GRIK2: variants seen among roughly 807,000 people sequenced by gnomAD.
The protein encoded by GRIK2 is glutamate receptor ionotropic, kainate 2.
A neutral mutation model predicts 100.3 loss-of-function variants in GRIK2; 32 were observed. The ratio of observed to expected loss-of-function variants is 0.32; its 90% confidence interval spans 0.24 to 0.43. GRIK2 has a LOEUF of 0.43. Among genes scored for constraint, GRIK2 ranks in the 20% least tolerant of loss-of-function variants. GRIK2 has a pLI of 1.00. For synonymous variants in GRIK2, 417 were observed against 389.4 expected (o/e 1.07, Z -0.83); for missense variants, 843 against 1,114.9 (o/e 0.76, Z 3.47).
intron 6 of GRIK2, among the ~76,000 whole-genome samples, chr6:101,685,206 T>C (rs913836909): frequency 2.0e-5 from 3 of 152,186 alleles, no homozygotes; most frequent in African/African-American, 7.2e-5. Context: ...TTCACCTCTT[T>C]CCTATCTCCT....
intron 15 of GRIK2, among the ~76,000 whole-genome samples, chr6:102,037,330 A>G (rs1770325746): frequency 6.6e-6 from 1 of 151,362 alleles, no homozygotes; most frequent in African/African-American, 2.4e-5. Context: ...TACAATACTT[A>G]TTAAAGAATT....
intron 12 of GRIK2, chr6:101,891,494 G>T (rs1296746461): frequency 2.9e-6 from 1 of 346,062 alleles, no homozygotes; most frequent in East Asian, 9.7e-5. Context: ...TCCAGCCTGG[G>T]AGATATAGCA....
At chr6:101,706,126 G>A (rs1180990079) in intron 7 of GRIK2, among the ~76,000 whole-genome samples, 1 of 151,862 alleles carries the variant, frequency 6.6e-6, no homozygotes, top group East Asian at 1.9e-4. Flanking sequence ...TGAACATCAT[G>A]AGGACATCAC....
chr6:101,454,118 C>G (rs1770863747), intron 2 of GRIK2, among the ~76,000 whole-genome samples: 1 of 151,996 alleles, frequency 6.6e-6, no homozygotes, highest in South Asian at 2.1e-4. Context: ...TTTCCTGTTG[C>G]CTCCTCTCTT....
chr6:101,715,952 A>T (rs1331610023), intron 7 of GRIK2, among the ~76,000 whole-genome samples: 1 of 151,808 alleles, frequency 6.6e-6, no homozygotes, highest in Non-Finnish European at 1.5e-5. Flanking sequence ...ACAAAAACAC[A>T]GTGTCATTGT....
chr6:101,959,931 G>A (rs1190635243), intron 14 of GRIK2, among the ~76,000 whole-genome samples: 1 of 151,918 alleles, frequency 6.6e-6, no homozygotes. Flanking sequence ...ACATTTTCCT[G>A]GATTGTTCCC....
intron 11 of GRIK2, among the ~76,000 whole-genome samples, chr6:101,880,338 T>C (rs1313317418): frequency 6.6e-6 from 1 of 152,104 alleles, no homozygotes; most frequent in Admixed American, 6.6e-5. Flanking sequence ...TTCTCACTCA[T>C]AAGTTATCTC....
At chr6:102,045,229 G>C (rs987378441) in intron 15 of GRIK2, among the ~76,000 whole-genome samples, 16 of 151,932 alleles carry the variant, frequency 1.1e-4, no homozygotes, top group African/African-American at 3.9e-4. Flanking sequence ...AAATAAACAA[G>C]GTAATGTGTT....
intron 2 of GRIK2, among the ~76,000 whole-genome samples, chr6:101,424,599 G>T (rs1776603579): frequency 6.8e-6 from 1 of 147,658 alleles, no homozygotes; most frequent in Admixed American, 6.9e-5. Context: ...TAAGTTTTAG[G>T]TTACATGTGC....
intron 12 of GRIK2, among the ~76,000 whole-genome samples, chr6:101,899,349 T>C (rs550993928): frequency 1.3e-5 from 2 of 151,994 alleles, no homozygotes; most frequent in African/African-American, 4.8e-5. Flanking sequence ...TTTATACTCA[T>C]TTTTGAAATT....
intron 12 of GRIK2, among the ~76,000 whole-genome samples, chr6:101,896,085 A>G (rs367649517): frequency 2.0e-3 from 309 of 151,838 alleles, no homozygotes; most frequent in African/African-American, 7.0e-3. Context: ...TTTTGTTACA[A>G]TGTACCTCTT....
chr6:101,726,030 A>T (rs1583028696), intron 7 of GRIK2, among the ~76,000 whole-genome samples: 1 of 152,116 alleles, frequency 6.6e-6, no homozygotes, highest in South Asian at 2.1e-4. Flanking sequence ...CAAACAATTA[A>T]TTTTAAATAC....
intron 2 of GRIK2, among the ~76,000 whole-genome samples, chr6:101,486,181 C>A (rs1046877257): frequency 7.2e-5 from 11 of 151,914 alleles, no homozygotes; most frequent in African/African-American, 2.2e-4. Flanking sequence ...TTAACAAGAA[C>A]AACTTAAGTA....
intron 11 of GRIK2, among the ~76,000 whole-genome samples, chr6:101,875,159 T>C (rs1379492959): frequency 6.6e-6 from 1 of 152,108 alleles, no homozygotes; most frequent in East Asian, 1.9e-4. Context: ...AGAGAGGGCA[T>C]CCCTGCCTTG....
chr6:101,670,319 A>G (rs1770338079), intron 4 of GRIK2, among the ~76,000 whole-genome samples: 1 of 152,164 alleles, frequency 6.6e-6, no homozygotes, highest in African/African-American at 2.4e-5. Flanking sequence ...AGGAGACGGC[A>G]GGTCCTACTA....
At chr6:101,995,695 T>A (rs1794615193) in intron 14 of GRIK2, among the ~76,000 whole-genome samples, 1 of 152,072 alleles carries the variant, frequency 6.6e-6, no homozygotes, top group Admixed American at 6.6e-5. Context: ...ATGCGAGATG[T>A]GATGGGGTGT....
chr6:101,796,466 A>G (rs1023973190), intron 7 of GRIK2, among the ~76,000 whole-genome samples: 2 of 152,184 alleles, frequency 1.3e-5, no homozygotes, highest in Admixed American at 6.5e-5. Context: ...TAGACACACA[A>G]TTTTACAAAG....
At chr6:101,808,351 G>T (rs907802822) in intron 9 of GRIK2, among the ~76,000 whole-genome samples, 4 of 151,944 alleles carry the variant, frequency 2.6e-5, no homozygotes, top group African/African-American at 7.2e-5. Flanking sequence ...ATTTAGAAAA[G>T]AATTTCCTAT....
chr6:101,911,457 T>C (rs1788686380), intron 12 of GRIK2, among the ~76,000 whole-genome samples: 1 of 151,568 alleles, frequency 6.6e-6, no homozygotes, highest in Non-Finnish European at 1.5e-5. Flanking sequence ...TGGGTAGCTT[T>C]ATTGTATCTG....
Sources: gnomAD v4.1 joint callset for allele counts (sites outside exome capture counted in the v4.1 genomes callset) on GRCh38, gnomAD v4.1.1 for gene constraint, MANE v1.5 for transcripts, NCBI Gene and HGNC (gene_info 2026-07-23, HGNC 2026-07-21) for gene names.